VWF: variants seen among roughly 807,000 people sequenced by gnomAD.
The protein encoded by VWF is von Willebrand factor, also known as Factor VIII related antigen.
In VWF, 176 loss-of-function variants were observed where a neutral mutation model predicts 308.6. The observed-to-expected ratio is 0.57, with a 90% CI of 0.50 to 0.65. The LOEUF is 0.65. Ranked by LOEUF, VWF falls within the 30% of genes least tolerant of loss-of-function variation. The pLI, the probability that VWF is intolerant of heterozygous loss-of-function variation, is 0.00. For missense variants in VWF, 3,146 were observed against 3,648.2 expected, an observed-to-expected ratio of 0.86 and a Z score of 3.55; for synonymous variants, 1,385 against 1,443.4, an observed-to-expected ratio of 0.96 and a Z score of 0.92.
At chr12:6,104,399 AT>A (rs1302311707) in intron 5 of VWF, among the ~76,000 whole-genome samples, 1 of 151,554 alleles carries the variant, frequency 6.6e-6, no homozygotes, top group Non-Finnish European at 1.5e-5. Context: ...AAAAAAAAAA[AT>A]AGGACTGCCA....
At chr12:6,074,368 T>A (rs1236993855) in intron 7 of VWF, among the ~76,000 whole-genome samples, 1 of 151,924 alleles carries the variant, frequency 6.6e-6, no homozygotes, top group African/African-American at 2.4e-5. Flanking sequence ...ACATTCAGGC[T>A]GACTGAAAGA....
intron 18 of VWF, among the ~76,000 whole-genome samples, chr12:6,042,128 A>T (rs1186929011): frequency 2.6e-5 from 4 of 152,230 alleles, no homozygotes; most frequent in Non-Finnish European, 5.9e-5. Flanking sequence ...GGATTGCACA[A>T]GAGCATGGAG....
chr12:6,061,599 C>A (rs1335881065), intron 13 of VWF, among the ~76,000 whole-genome samples: 1 of 152,126 alleles, frequency 6.6e-6, no homozygotes, highest in Non-Finnish European at 1.5e-5. Flanking sequence ...CCTGCCCCTG[C>A]CACCCAGGAT....
chr12:5,985,262 C>A (rs563024723), intron 39 of VWF, 143 bp from the exon 40 acceptor site: 62 of 856,814 alleles, frequency 7.2e-5, no homozygotes, highest in East Asian at 1.8e-4. Context: ...GGACCTCTGA[C>A]AGATGAGTGT....
intron 14 of VWF, among the ~76,000 whole-genome samples, 159 bp from the exon 15 acceptor site, chr12:6,057,231 T>C (rs1384686184): frequency 6.6e-6 from 1 of 151,942 alleles, no homozygotes; most frequent in Non-Finnish European, 1.5e-5. Context: ...CCAAGTCCAT[T>C]TATCTTACAA....
intron 5 of VWF, chr12:6,095,963 C>T (rs941080075): frequency 2.3e-5 from 8 of 348,486 alleles, no homozygotes; most frequent in African/African-American, 1.5e-4. Context: ...TGGGCCACCA[C>T]ACCAGGCTCT....
chr12:6,027,576 G>T (rs1287142003), intron 22 of VWF, among the ~76,000 whole-genome samples: 2 of 152,088 alleles, frequency 1.3e-5, no homozygotes, highest in East Asian at 3.9e-4. Context: ...ACAGACAGAA[G>T]CAGAAAAGGA....
chr12:6,096,057 G>A (rs891068757), intron 5 of VWF: 1 of 210,444 alleles, frequency 4.8e-6, no homozygotes, highest in African/African-American at 2.3e-5. Flanking sequence ...CACAGGGCAT[G>A]GGCATCAGAG....
At chr12:5,978,580 A>G (rs1473081322) in intron 42 of VWF, among the ~76,000 whole-genome samples, 1 of 152,236 alleles carries the variant, frequency 6.6e-6, no homozygotes, top group East Asian at 1.9e-4. Context: ...TGCAAGATAA[A>G]GCAAATAAGT....
At position 6,064,246 on chromosome 12, in the gene VWF, C is replaced by G. The variant is rs763102998; in HGVS notation, c.1432G>C (p.Gly478Arg). Residue 478 changes from glycine (G) to arginine (R), a missense_variant and splice_region_variant, in exon 12 of 52, where the codon GGT becomes CGT. Around this residue, in one of 3 missense-constraint regions of VWF, gnomAD observed 1,304 missense variants for 1,353.0 expected, o/e 0.96. Coordinates refer to ENST00000261405, the MANE Select transcript of VWF (RefSeq NM_000552.5). Reference protein sequence around the residue: ...GQDVQLPLLKGDLRIQHTVTA... With the variant: ...GQDVQLPLLKRDLRIQHTVTA... Reference sequence around the variant, plus strand: ...CCTGATGGAGCAGGACGAAGCATACCTTTCAGGAGGGGGAGCTGGACGTCC... The same window carrying G: ...CCTGATGGAGCAGGACGAAGCATACGTTTCAGGAGGGGGAGCTGGACGTCC... 4.6e-5 allele frequency: 74 copies of G among 1,614,172 alleles called. No homozygotes were observed. The highest frequency in any genetic ancestry group is 6.0e-5 in the Non-Finnish European group (71 of 1,180,040).
intron 42 of VWF, among the ~76,000 whole-genome samples, chr12:5,980,760 C>A (rs1565817535): frequency 6.6e-6 from 1 of 151,822 alleles, no homozygotes; most frequent in Non-Finnish European, 1.5e-5. Flanking sequence ...AAATAAAGAT[C>A]TGTTCCAGCC....
At chr12:5,990,539 C>T (rs1943726887) in intron 38 of VWF, among the ~76,000 whole-genome samples, 2 of 152,128 alleles carry the variant, frequency 1.3e-5, no homozygotes, top group Non-Finnish European at 2.9e-5. Context: ...AGTCACTCTA[C>T]TTGGTCCACT....
rs1041424802 is a variant in VWF, at chr12:5,991,923, A to G, written c.6694T>C (p.Ser2232Pro). The change falls in exon 38 of 52, where the codon TCC (serine) becomes CCC (proline). Residue 2232 changes from serine to proline, a missense_variant. Coordinates refer to ENST00000261405, the MANE Select transcript of VWF (RefSeq NM_000552.5). ...GNVSSCGDHP[S>P]EGCFCPPDKV... ...TCTGGAGGGCAGAAACAGCCTTCGGAGGGATGGTCCCCACAGGAGCTCACG... is the reference window on the plus strand; with the variant it reads ...TCTGGAGGGCAGAAACAGCCTTCGGGGGGATGGTCCCCACAGGAGCTCACG... 2.5e-6 allele frequency: 4 copies of G among 1,614,088 alleles called. No individual in the cohort carries two copies. The African/African-American group carries it at 5.3e-5, about 22-fold the overall frequency.
intron 6 of VWF, among the ~76,000 whole-genome samples, chr12:6,077,739 T>C (rs1292465322): frequency 1.3e-5 from 2 of 152,038 alleles, no homozygotes; most frequent in Admixed American, 1.3e-4. Context: ...AGGTCTCAGG[T>C]GGTTACATGC....
intron 41 of VWF, among the ~76,000 whole-genome samples, chr12:5,982,725 A>G (rs1354332109): frequency 6.6e-6 from 1 of 152,234 alleles, no homozygotes; most frequent in South Asian, 2.1e-4. Context: ...AAGTTACAGT[A>G]TATAGTGATT....
intron 47 of VWF, among the ~76,000 whole-genome samples, chr12:5,963,328 A>G (rs1943340168): frequency 1.3e-5 from 2 of 152,228 alleles, no homozygotes; most frequent in Non-Finnish European, 2.9e-5. Flanking sequence ...CAAACACATC[A>G]CAAAAGATGA....
In VWF at chr12:5,990,452, T is replaced by C. The variant is rs548675731; in HGVS notation, c.6798+1367A>G. On this transcript the variant is annotated intron_variant, in intron 38 of 51. Coordinates refer to ENST00000261405, the MANE Select transcript of VWF (RefSeq NM_000552.5). ...GGACAGAATAGTGTAGTTACTGAAA[T>C]GTTGTTTTCACTATTCTGCAGGCTG... is the stretch of plus-strand genomic sequence containing the variant. Among the ~76,000 whole-genome samples, 4 of 152,268 alleles carry C rather than the reference T, an allele frequency of 2.6e-5. No individual in the cohort carries two copies. The South Asian group carries it at 8.3e-4, about 32-fold the overall frequency.
chr12:6,050,615 T>A (rs1186946005), intron 16 of VWF, among the ~76,000 whole-genome samples: 1 of 152,198 alleles, frequency 6.6e-6, no homozygotes, highest in African/African-American at 2.4e-5. Flanking sequence ...ACCTTGGGGA[T>A]TGTGGAGTAC....
At chr12:6,095,919 C>A (rs7965754) in intron 5 of VWF, 23,982 of 365,346 alleles carry the variant, frequency 0.066, 2,012 homozygotes, top group African/African-American at 0.27. Context: ...CAATCCTCCC[C>A]CATCAGCCTC....
Sources: allele counts gnomAD v4.1 joint callset (sites outside exome capture counted in the v4.1 genomes callset), GRCh38; gene constraint gnomAD v4.1.1; regional missense constraint gnomAD v4.1.1; transcripts MANE v1.5; gene names NCBI Gene and HGNC (gene_info 2026-07-23, HGNC 2026-07-21).